The following CCDC149 variants were observed in gnomAD, a reference collection of about 807,000 sequenced individuals.
CCDC149 encodes the protein coiled-coil domain-containing protein 149.
In CCDC149, 45 loss-of-function variants were observed where a neutral mutation model predicts 59.9. That is an observed-to-expected ratio of 0.75 (90% CI 0.59 to 0.96). CCDC149 has a LOEUF of 0.96. CCDC149 is among the 40% of genes least tolerant of loss of function. The pLI, the probability that CCDC149 is intolerant of heterozygous loss-of-function variation, is 0.00. For synonymous variants in CCDC149, 245 were observed against 260.6 expected, an observed-to-expected ratio of 0.94 and a Z score of 0.58; for missense variants, 584 against 664.7, an observed-to-expected ratio of 0.88 and a Z score of 1.33.
intron 1 of CCDC149, among the ~76,000 whole-genome samples, chr4:24,941,231 G>A (rs867853282): frequency 9.9e-5 from 15 of 152,284 alleles, no homozygotes; most frequent in Middle Eastern, 3.4e-3. Context: ...TAGAACTCAG[G>A]ATTAAGAAAC....
rs1258066435 is a variant in CCDC149, at chr4:24,874,258, TTGTTTTGTTTTTTTTTG to T, written c.226-556_226-540del. 6.2e-3 allele frequency among the ~76,000 whole-genome samples: 322 copies of T among 52,146 alleles called. 38 individuals carry two copies. Among genetic ancestry groups the T allele is most frequent in the African/African-American group, 0.022 (283 of 12,624 alleles). The allele number at this position is 52,146 out of a possible 152,430, so 34.2% of individuals were successfully genotyped here. ...CTATTAGATTTGTTTTTTTTTTTTT[TTGTTTTGTTTTTTTTTG>T]TTTTTTTGCCTTAAAAGGATTCTGG... On this transcript the variant is annotated intron_variant, in intron 2 of 12. Transcript: ENST00000635206.
intron 1 of CCDC149, among the ~76,000 whole-genome samples, chr4:24,976,979 A>AAAAC (rs980074595): frequency 1.3e-5 from 2 of 152,196 alleles, no homozygotes; most frequent in African/African-American, 2.4e-5. Context: ...TGATCAGGAA[A>AAAAC]AAACAAACAA....
rs1716931499 is a variant in CCDC149 at position 24,841,464 on chromosome 4, A to C, written c.373-3192T>G. ...ATATGTTAACAATCATTTGGTGTTT[A>C]ATGTGCATACAATATCGGCTGTTAA... On this transcript the variant is annotated intron_variant, in intron 4 of 12. Transcript: ENST00000635206. Among the ~76,000 whole-genome samples the C allele has an allele frequency of 3.3e-5, 5 of 152,344 alleles. No individual in the cohort carries two copies. In the South Asian group the frequency reaches 1.0e-3, roughly 32 times the overall value.
intron 3 of CCDC149, among the ~76,000 whole-genome samples, chr4:24,855,690 T>C (rs142987831): frequency 1.3e-3 from 192 of 152,232 alleles, no homozygotes; most frequent in African/African-American, 4.4e-3. Flanking sequence ...AGTAACTCCA[T>C]CGAATTTTTC....
chr4:24,822,780 A>C, intron 9 of CCDC149: 1 of 388,476 alleles, frequency 2.6e-6, no homozygotes. Flanking sequence ...GATTAAAAAC[A>C]ATACTAAAAT....
chr4:24,949,249 A>C (rs10939017), intron 1 of CCDC149, among the ~76,000 whole-genome samples: 16,879 of 152,102 alleles, frequency 0.11, 1,709 homozygotes, highest in East Asian at 0.29. Flanking sequence ...TCCTGCTGGG[A>C]CAGATGCACT....
In CCDC149 at chr4:24,876,607, G is replaced by A. The variant is rs1719456587; in HGVS notation, c.154C>T (p.Gln52Ter). ...AGCTGATTGGCCATGAGTTTGTACT[G>A]GTCCCTTTCCTGTTGACAGGTGTCC... The change falls in exon 2 of 13, where the codon CAG becomes TAG. Residue 52 changes from glutamine (Q) to a stop codon, truncating the protein, a stop_gained. Transcript: ENST00000635206. LOFTEE classifies it high-confidence loss of function. The A allele has an allele frequency of 6.2e-7, 1 of 1,614,076 alleles. No homozygotes were observed. Among genetic ancestry groups the A allele is most frequent in the Non-Finnish European group, 8.5e-7 (1 of 1,180,012 alleles).
chr4:24,810,943 T>C (rs1466413991), intron 12 of CCDC149, among the ~76,000 whole-genome samples: 1 of 152,218 alleles, frequency 6.6e-6, no homozygotes. Context: ...AGACACATTG[T>C]TCTTAGATAC....
chr4:24,975,486 A>G, intron 1 of CCDC149, among the ~76,000 whole-genome samples: 1 of 125,066 alleles, frequency 8.0e-6, no homozygotes, highest in Non-Finnish European at 1.7e-5. Flanking sequence ...GAAAGCGGGG[A>G]GGAGAGGGGA....
chr4:24,804,226 C>T (rs561658892), downstream of CCDC149, among the ~76,000 whole-genome samples: 1 of 152,238 alleles, frequency 6.6e-6, no homozygotes, highest in African/African-American at 2.4e-5. Context: ...GGCGCAGTGG[C>T]TCACGCCTGC....
intron 4 of CCDC149, among the ~76,000 whole-genome samples, chr4:24,852,202 A>G (rs893175866): frequency 7.2e-5 from 11 of 151,748 alleles, no homozygotes; most frequent in African/African-American, 2.7e-4. Flanking sequence ...AACTCCCAGC[A>G]ATGATGAAAG....
chr4:24,944,975 AAAT>A (rs1254526136), intron 1 of CCDC149, among the ~76,000 whole-genome samples: 1 of 152,176 alleles, frequency 6.6e-6, no homozygotes, highest in Non-Finnish European at 1.5e-5. Context: ...TTAAATGGAA[AAAT>A]ACCTGCATGT....
chr4:24,844,274 T>C lies in CCDC149; in HGVS notation c.373-6002A>G, dbSNP rs1395210847. On this transcript the variant is annotated intron_variant, in intron 4 of 12. Transcript: ENST00000635206. ...CTCCACAACCGTGTCTGGCTAACCA[T>C]AGCCCGTCCTCAAATGCTTCTTAGA... Among the ~76,000 whole-genome samples, 3 of 152,176 alleles carry C rather than the reference T, an allele frequency of 2.0e-5. No homozygotes were observed. The East Asian group carries it at 5.8e-4, about 29-fold the overall frequency.
chr4:24,974,255 G>A (rs1724079134), intron 1 of CCDC149, among the ~76,000 whole-genome samples: 1 of 152,178 alleles, frequency 6.6e-6, no homozygotes, highest in South Asian at 2.1e-4. Context: ...AGACTCGGGA[G>A]GCATCAGTTC....
intron 1 of CCDC149, among the ~76,000 whole-genome samples, chr4:24,877,166 G>T (rs1322897156): frequency 1.7e-4 from 25 of 143,470 alleles, no homozygotes; most frequent in Admixed American, 8.7e-4. Context: ...AACCTATATG[G>T]TTTTTTGTCT....
At chr4:24,954,709 T>G (rs1323254567) in intron 1 of CCDC149, among the ~76,000 whole-genome samples, 1 of 152,130 alleles carries the variant, frequency 6.6e-6, no homozygotes, top group Non-Finnish European at 1.5e-5. Context: ...TAGAAACAGT[T>G]CTGTCCCCAA....
intron 1 of CCDC149, among the ~76,000 whole-genome samples, chr4:24,954,434 T>A (rs1282236720): frequency 6.6e-6 from 1 of 152,204 alleles, no homozygotes; most frequent in Non-Finnish European, 1.5e-5. Flanking sequence ...CTGCCTGGGC[T>A]CTGAGACTAT....
At chr4:24,926,818 C>T (rs572905084) in intron 1 of CCDC149, among the ~76,000 whole-genome samples, 4 of 152,298 alleles carry the variant, frequency 2.6e-5, no homozygotes, top group Admixed American at 2.0e-4. Context: ...TCTTCAATCG[C>T]ATGTCTGGCA....
chr4:24,939,238 AT>A lies in CCDC149; in HGVS notation c.-65+40830del, dbSNP rs750968985. ...AGGCAGCAGCATTTGCGGTTCACCA[AT>A]ATCTGCTGTTCTGCAGCCACTGCTG... On this transcript the variant is annotated intron_variant, in intron 1 of 12. Transcript: ENST00000389609. 1.4e-3 allele frequency among the ~76,000 whole-genome samples: 220 copies of A among 152,318 alleles called. 1 individual carries two copies. Among genetic ancestry groups the A allele is most frequent in the Middle Eastern group, 3.4e-3 (1 of 294 alleles).
Sources: gnomAD v4.1 joint callset for allele counts (sites outside exome capture counted in the v4.1 genomes callset) on GRCh38, gnomAD v4.1.1 for gene constraint, MANE v1.5 for transcripts, NCBI Gene and HGNC (gene_info 2026-07-23, HGNC 2026-07-21) for gene names.